TLK1: variants seen among roughly 807,000 people sequenced by gnomAD.
The protein encoded by TLK1 is serine/threonine-protein kinase tousled-like 1.
In TLK1, 24 loss-of-function variants were observed where a neutral mutation model predicts 105.3. The observed-to-expected ratio is 0.23, with a 90% CI of 0.17 to 0.32. The LOEUF (loss-of-function observed/expected upper bound fraction) is 0.32. TLK1 is among the 10% of genes least tolerant of loss of function. The probability of loss-of-function intolerance (pLI) is 1.00; values close to 1 mark genes in which losing one functional copy is unlikely to be tolerated. For synonymous variants in TLK1, 321 were observed against 310.4 expected (o/e 1.03, Z -0.36); for missense variants, 558 against 910.5 (o/e 0.61, Z 4.98).
At chr2:171,096,359 T>A (rs538917623) in intron 2 of TLK1, among the ~76,000 whole-genome samples, 12 of 152,220 alleles carry the variant, frequency 7.9e-5, no homozygotes, top group South Asian at 2.1e-4. Flanking sequence ...AAACTTTTTT[T>A]AAAATCCCAC....
rs985370360 is a variant in TLK1 at position 170,990,939 on chromosome 2, T to C, written c.*2841A>G. On this transcript the variant is annotated 3_prime_UTR_variant, in exon 21 of 21. Coordinates refer to ENST00000431350, the MANE Select transcript of TLK1 (RefSeq NM_012290.5). ...ATTTTGACTTCATGTAATGAGGTGT[T>C]TGTTCACATTTTATATGCCATTTAA... 3 of 152,168 alleles carry C rather than the reference T, an allele frequency of 2.0e-5. No individual in the cohort carries two copies. The highest frequency in any genetic ancestry group is 1.3e-4 in the Admixed American group (2 of 15,282). 9.4% of individuals were successfully genotyped at this position (152,168 alleles called of 1,614,324 possible). A position where few individuals can be genotyped will look rare whatever the true frequency, so the allele number is the denominator to read the frequency against.
intron 3 of TLK1, among the ~76,000 whole-genome samples, chr2:171,073,862 A>C (rs1688369259): frequency 6.7e-6 from 1 of 148,460 alleles, no homozygotes; most frequent in Non-Finnish European, 1.5e-5. Context: ...GAAGAGAATA[A>C]ACTTAACATT....
intron 3 of TLK1, among the ~76,000 whole-genome samples, chr2:171,064,232 G>A (rs915428089): frequency 6.6e-6 from 1 of 152,138 alleles, no homozygotes; most frequent in Non-Finnish European, 1.5e-5. Flanking sequence ...AGTTATTAAA[G>A]GGGAAGGAGA....
intron 1 of TLK1, among the ~76,000 whole-genome samples, chr2:171,188,880 A>C (rs1404422928): frequency 6.6e-6 from 1 of 152,000 alleles, no homozygotes; most frequent in East Asian, 1.9e-4. Context: ...GTCTAAAAAA[A>C]AAAAAAAAAG....
intron 1 of TLK1, among the ~76,000 whole-genome samples, chr2:171,148,940 T>C (rs115846174): frequency 0.019 from 2,813 of 147,782 alleles, 86 homozygotes; most frequent in African/African-American, 0.064. Flanking sequence ...TGTGCGTGTG[T>C]GTGTATGTGC....
intron 1 of TLK1, among the ~76,000 whole-genome samples, chr2:171,195,643 C>T (rs1486103862): frequency 2.0e-5 from 3 of 152,000 alleles, no homozygotes; most frequent in African/African-American, 2.4e-5. Context: ...ATCATCAACA[C>T]TGTTCATTTT....
intron 3 of TLK1, among the ~76,000 whole-genome samples, chr2:171,064,568 A>G (rs1308146463): frequency 2.0e-5 from 3 of 152,080 alleles, no homozygotes; most frequent in African/African-American, 4.8e-5. Flanking sequence ...TTTATTCTCT[A>G]TTTTTTCTTA....
chr2:171,092,387 C>T (rs1313259943), intron 2 of TLK1, among the ~76,000 whole-genome samples: 3 of 152,170 alleles, frequency 2.0e-5, no homozygotes, highest in Non-Finnish European at 4.4e-5. Context: ...AACTGTAAGA[C>T]AGACTAAGTT....
chr2:171,206,515 G>A (rs1379951170), intron 1 of TLK1, among the ~76,000 whole-genome samples: 1 of 152,152 alleles, frequency 6.6e-6, no homozygotes, highest in Non-Finnish European at 1.5e-5. Flanking sequence ...CCTTTAAGGG[G>A]CCTATCACTT....
intron 1 of TLK1, among the ~76,000 whole-genome samples, chr2:171,188,247 T>C (rs1040491100): frequency 6.6e-6 from 1 of 152,222 alleles, no homozygotes; most frequent in Admixed American, 6.5e-5. Flanking sequence ...ACTTAAAATC[T>C]TATTCTACAG....
intron 2 of TLK1, among the ~76,000 whole-genome samples, chr2:171,112,353 A>C (rs1380673793): frequency 6.6e-6 from 1 of 152,246 alleles, no homozygotes; most frequent in African/African-American, 2.4e-5. Context: ...TGTATTAATA[A>C]TCCAAAGGAG....
At position 170,991,604 on chromosome 2, in the gene TLK1, G is replaced by A. The variant is rs889507519; in HGVS notation, c.*2176C>T. ...ATGGCTTGTTTTTCCCCTTTTCTGC[G>A]TTCTGCCACTAGCAGTCGCTCTCAT... On this transcript the variant is annotated 3_prime_UTR_variant, in exon 21 of 21. Coordinates refer to ENST00000431350, the MANE Select transcript of TLK1 (RefSeq NM_012290.5). 2.0e-5 allele frequency: 3 copies of A among 152,092 alleles called. No individual in the cohort carries two copies. Among genetic ancestry groups the A allele is most frequent in the Non-Finnish European group, 2.9e-5 (2 of 68,024 alleles). 9.4% of individuals were successfully genotyped at this position (152,092 alleles called of 1,614,324 possible). A position where few individuals can be genotyped will look rare whatever the true frequency, so the allele number is the denominator to read the frequency against.
intron 1 of TLK1, among the ~76,000 whole-genome samples, chr2:171,148,890 A>AAT (rs869170908): frequency 2.2e-5 from 3 of 138,460 alleles, no homozygotes; most frequent in African/African-American, 2.7e-5. Context: ...AAAAAAAAAA[A>AAT]ATATATATAT....
intron 2 of TLK1, among the ~76,000 whole-genome samples, chr2:171,113,688 G>A (rs1328259239): frequency 6.6e-6 from 1 of 152,058 alleles, no homozygotes; most frequent in African/African-American, 2.4e-5. Flanking sequence ...GAAGCACTGT[G>A]GAGAAAACTT....
At chr2:171,012,645 A>C (rs888243322) in intron 13 of TLK1, among the ~76,000 whole-genome samples, 1 of 151,962 alleles carries the variant, frequency 6.6e-6, no homozygotes, top group African/African-American at 2.4e-5. Context: ...CGCCCAGCTA[A>C]TTTTTGTATT....
chr2:171,099,609 AC>A (rs1689604377), intron 2 of TLK1, among the ~76,000 whole-genome samples: 1 of 152,234 alleles, frequency 6.6e-6, no homozygotes, highest in Admixed American at 6.5e-5. Context: ...AAAACCTACT[AC>A]AAAGCTATAT....
At chr2:171,163,059 TG>T (rs749393800), upstream of TLK1, among the ~76,000 whole-genome samples, 6 of 152,248 alleles carry the variant, frequency 3.9e-5, no homozygotes, top group African/African-American at 7.2e-5. Context: ...CCCAAAGTGC[TG>T]GGATTACAGG....
At chr2:171,193,318 G>A (rs912395659) in intron 1 of TLK1, among the ~76,000 whole-genome samples, 5 of 151,598 alleles carry the variant, frequency 3.3e-5, no homozygotes, top group South Asian at 2.1e-4. Context: ...CACCAAAGCC[G>A]TTGTTTCTTA....
chr2:171,024,456 CT>C (rs1422196978), intron 12 of TLK1, among the ~76,000 whole-genome samples: 1 of 152,016 alleles, frequency 6.6e-6, no homozygotes, highest in African/African-American at 2.4e-5. Context: ...AACTGTTCTC[CT>C]TTATCTGTAA....
Sources: gnomAD v4.1 joint callset for allele counts (sites outside exome capture counted in the v4.1 genomes callset) on GRCh38, gnomAD v4.1.1 for gene constraint, MANE v1.5 for transcripts, NCBI Gene and HGNC (gene_info 2026-07-23, HGNC 2026-07-21) for gene names.